Variants in MOB3B observed in about 807,000 individuals in gnomAD.
The protein encoded by MOB3B is MOB kinase activator-like 2B.
Under a neutral mutation model 18.7 loss-of-function variants are expected in MOB3B, and 7 were observed. The ratio of observed to expected loss-of-function variants is 0.37; its 90% CI spans 0.21 to 0.70. The LOEUF (loss-of-function observed/expected upper bound fraction) is 0.70. Among genes scored for constraint, MOB3B ranks in the 30% least tolerant of loss-of-function variants. The pLI is 0.52. For missense variants in MOB3B, 253 were observed against 281.3 expected (o/e 0.90, Z 0.72); for synonymous variants, 111 against 99.9 (o/e 1.11, Z -0.66).
At chr9:27,449,813 T>TA (rs1449924255) in intron 2 of MOB3B, among the ~76,000 whole-genome samples, 16 of 151,568 alleles carry the variant, frequency 1.1e-4, no homozygotes, top group Non-Finnish European at 2.2e-4. Flanking sequence ...CCAACTCTAC[T>TA]AAAAAAATAT....
intron 2 of MOB3B, among the ~76,000 whole-genome samples, chr9:27,363,304 C>T (rs1821300537): frequency 6.6e-6 from 1 of 152,140 alleles, no homozygotes; most frequent in South Asian, 2.1e-4. Context: ...GAGATGGAGT[C>T]TCGCACTTTC....
intron 3 of MOB3B, among the ~76,000 whole-genome samples, chr9:27,332,991 T>A (rs533020978): frequency 6.6e-6 from 1 of 152,344 alleles, no homozygotes; most frequent in African/African-American, 2.4e-5. Flanking sequence ...TTCATGAATT[T>A]TCAAAATGCC....
chr9:27,341,276 G>T (rs1302312635), intron 3 of MOB3B, among the ~76,000 whole-genome samples: 1 of 152,198 alleles, frequency 6.6e-6, no homozygotes, highest in Non-Finnish European at 1.5e-5. Context: ...CCTTTTGGAG[G>T]GAGTATTCTG....
At chr9:27,385,854 G>C (rs10967919) in intron 2 of MOB3B, among the ~76,000 whole-genome samples, 4 of 152,232 alleles carry the variant, frequency 2.6e-5, no homozygotes, top group Non-Finnish European at 5.9e-5. Context: ...GCAGCTGCTA[G>C]GACAAGCCCT....
chr9:27,402,757 G>A (rs1261103528), intron 2 of MOB3B, among the ~76,000 whole-genome samples: 2 of 152,186 alleles, frequency 1.3e-5, no homozygotes, highest in African/African-American at 2.4e-5. Context: ...ACTTGGCCCC[G>A]TGGGCCTCCC....
intron 3 of MOB3B, among the ~76,000 whole-genome samples, chr9:27,344,746 T>A (rs1432298343): frequency 6.6e-6 from 1 of 152,244 alleles, no homozygotes; most frequent in Non-Finnish European, 1.5e-5. Flanking sequence ...CTTTGATTCT[T>A]GTGTATTTGC....
At chr9:27,440,976 TAG>T (rs549759089) in intron 2 of MOB3B, among the ~76,000 whole-genome samples, 144 of 152,224 alleles carry the variant, frequency 9.5e-4, no homozygotes, top group African/African-American at 3.3e-3. Flanking sequence ...AGGCATTAGT[TAG>T]AGTCTCATAA....
chr9:27,416,600 T>C (rs1288857441), intron 2 of MOB3B, among the ~76,000 whole-genome samples: 1 of 143,198 alleles, frequency 7.0e-6, no homozygotes, highest in African/African-American at 2.6e-5. Flanking sequence ...TCATCTAGTC[T>C]GGAGTGGAAT....
intron 2 of MOB3B, among the ~76,000 whole-genome samples, chr9:27,385,409 G>A (rs1821639018): frequency 6.6e-6 from 1 of 152,120 alleles, no homozygotes; most frequent in Non-Finnish European, 1.5e-5. Flanking sequence ...ACTGACTGGT[G>A]GTTTTGAAAC....
chr9:27,505,057 A>G (rs1015800020), intron 1 of MOB3B, among the ~76,000 whole-genome samples: 1 of 152,152 alleles, frequency 6.6e-6, no homozygotes, highest in African/African-American at 2.4e-5. Context: ...ACAATCACCC[A>G]TCTCAATATC....
chr9:27,331,446 C>T (rs1265451813), intron 3 of MOB3B, among the ~76,000 whole-genome samples: 4 of 151,912 alleles, frequency 2.6e-5, no homozygotes, highest in Non-Finnish European at 5.9e-5. Flanking sequence ...TTCTTACATG[C>T]AGTGTATGAA....
chr9:27,366,781 C>G (rs1821348646), intron 2 of MOB3B, among the ~76,000 whole-genome samples: 1 of 152,228 alleles, frequency 6.6e-6, no homozygotes, highest in South Asian at 2.1e-4. Flanking sequence ...TCTGGGGATA[C>G]TGGAGAACTG....
intron 1 of MOB3B, among the ~76,000 whole-genome samples, chr9:27,490,304 T>G (rs763444878): frequency 1.3e-5 from 2 of 152,160 alleles, no homozygotes; most frequent in South Asian, 4.1e-4. Context: ...GTTCTTGTCC[T>G]AAAGGTGCTC....
chr9:27,377,967 C>A (rs1821516135), intron 2 of MOB3B, among the ~76,000 whole-genome samples: 1 of 152,236 alleles, frequency 6.6e-6, no homozygotes, highest in East Asian at 1.9e-4. Flanking sequence ...GGTAAGAAAT[C>A]ATTCACTGTC....
At chr9:27,465,442 G>C (rs1819366780) in intron 1 of MOB3B, among the ~76,000 whole-genome samples, 1 of 152,270 alleles carries the variant, frequency 6.6e-6, no homozygotes, top group South Asian at 2.1e-4. Context: ...TGCTTTCATG[G>C]GCTGGCATTA....
chr9:27,461,144 G>A (rs1230736805), intron 1 of MOB3B, among the ~76,000 whole-genome samples: 3 of 152,098 alleles, frequency 2.0e-5, no homozygotes, highest in Admixed American at 1.3e-4. Flanking sequence ...CCACTATATT[G>A]TTCTCTTTAT....
chr9:27,380,416 T>C (rs1275081619), intron 2 of MOB3B, among the ~76,000 whole-genome samples: 1 of 151,892 alleles, frequency 6.6e-6, no homozygotes, highest in Non-Finnish European at 1.5e-5. Context: ...TTTTTGTATT[T>C]TTAGTAGAGA....
At chr9:27,503,818 T>C (rs183103488) in intron 1 of MOB3B, among the ~76,000 whole-genome samples, 4 of 152,334 alleles carry the variant, frequency 2.6e-5, no homozygotes, top group Non-Finnish European at 5.9e-5. Flanking sequence ...GGAGGGAGTT[T>C]GCCCTCTTGG....
chr9:27,500,769 G>A (rs914811430), intron 1 of MOB3B, among the ~76,000 whole-genome samples: 4 of 152,158 alleles, frequency 2.6e-5, no homozygotes, highest in South Asian at 2.1e-4. Context: ...AAACTAAAGA[G>A]CTTCTGCACA....
Sources: gnomAD v4.1 joint callset for allele counts (sites outside exome capture counted in the v4.1 genomes callset) on GRCh38, gnomAD v4.1.1 for gene constraint, MANE v1.5 for transcripts, NCBI Gene and HGNC (gene_info 2026-07-23, HGNC 2026-07-21) for gene names.